The following ELF5 variants were observed in gnomAD, a reference collection of about 807,000 sequenced individuals.
ELF5 encodes E74 like ETS transcription factor 5.
A neutral mutation model predicts 38.2 loss-of-function variants in ELF5; 31 were observed. The observed-to-expected ratio is 0.81, with a 90% CI of 0.61 to 1.10. The LOEUF (loss-of-function observed/expected upper bound fraction) is 1.10, where lower values mean the gene tolerates loss of function less well. Ranked by LOEUF, ELF5 falls within the 50% of genes least tolerant of loss-of-function variation. The pLI, the probability that ELF5 is intolerant of heterozygous loss-of-function variation, is 0.00. For synonymous variants in ELF5, 121 were observed against 112.5 expected, an observed-to-expected ratio of 1.08 and a Z score of -0.48; for missense variants, 300 against 306.6, an observed-to-expected ratio of 0.98 and a Z score of 0.16.
At chr11:34,487,189 G>T (rs1355116329) in intron 4 of ELF5, among the ~76,000 whole-genome samples, 1 of 152,120 alleles carries the variant, frequency 6.6e-6, no homozygotes, top group African/African-American at 2.4e-5. Flanking sequence ...TGGTGTCCTG[G>T]CCAGGGCATT....
chr11:34,487,741 C>T (rs1465434417), intron 4 of ELF5, among the ~76,000 whole-genome samples: 1 of 152,098 alleles, frequency 6.6e-6, no homozygotes, highest in South Asian at 2.1e-4. Flanking sequence ...TCCACTATCA[C>T]AGAATTGAAC....
At chr11:34,489,491 G>A (rs1435102555) in intron 4 of ELF5, among the ~76,000 whole-genome samples, 1 of 152,136 alleles carries the variant, frequency 6.6e-6, no homozygotes, top group African/African-American at 2.4e-5. Flanking sequence ...TCCCTTTCCC[G>A]AGCCTTCTTC....
At position 34,493,545 on chromosome 11, in the gene ELF5, A is replaced by T. The variant is rs774629966; in HGVS notation, c.289T>A (p.Phe97Ile). 3 of 1,613,874 alleles carry T rather than the reference A, an allele frequency of 1.9e-6. No individual in the cohort carries two copies. Among genetic ancestry groups the T allele is most frequent in the East Asian group, 2.2e-5 (1 of 44,888 alleles). The stretch of plus-strand genomic sequence containing the variant: ...CCGCAGAGGCCAGCTGCCTCGACGA[A>T]CTCCTCCTGTGTCATGCTGCACAGC... ...LQLCSMTQEE[F>I]VEAAGLCGEY... The change falls in exon 3 of 7, where the codon TTC becomes ATC. Residue 97 changes from phenylalanine to isoleucine, a missense_variant. Physicochemically the swap from Phe to Ile is conservative, Grantham distance 21. Coordinates refer to ENST00000257832, the MANE Select transcript of ELF5 (RefSeq NM_001422.4).
At chr11:34,504,353 T>C (rs1268142323) in intron 2 of ELF5, among the ~76,000 whole-genome samples, 1 of 152,204 alleles carries the variant, frequency 6.6e-6, no homozygotes, top group Non-Finnish European at 1.5e-5. Flanking sequence ...CAAGTCCAAA[T>C]GCAATGATCT....
intron 2 of ELF5, among the ~76,000 whole-genome samples, chr11:34,494,937 A>AC (rs1309871150): frequency 2.0e-5 from 3 of 152,228 alleles, no homozygotes; most frequent in African/African-American, 7.2e-5. Flanking sequence ...TACAAACATT[A>AC]TTATTGAATA....
intron 5 of ELF5, among the ~76,000 whole-genome samples, chr11:34,481,965 C>T (rs371004041): frequency 2.0e-5 from 3 of 152,356 alleles, no homozygotes; most frequent in South Asian, 4.1e-4. Context: ...TGACACTGCT[C>T]TGGGCCGATC....
chr11:34,505,846 T>C lies in ELF5; in HGVS notation c.-4-93A>G, dbSNP rs188448643. 727 of 1,433,628 alleles carry C rather than the reference T, an allele frequency of 5.1e-4. 4 individuals carry two copies. The African/African-American group carries it at 6.9e-3, about 14-fold the overall frequency. 88.8% of individuals were successfully genotyped at this position (1,433,628 alleles called of 1,614,324 possible). On this transcript the variant is annotated intron_variant, in intron 1 of 6. Transcript: ENST00000257832. ...CCCCTAGCAGGGCGATACTTGTTTTTTAAAAATGATAACAAATATGTCACT... is the reference window on the plus strand; with the variant it reads ...CCCCTAGCAGGGCGATACTTGTTTTCTAAAAATGATAACAAATATGTCACT...
chr11:34,510,278 G>A (rs1232154438), intron 1 of ELF5, among the ~76,000 whole-genome samples: 1 of 149,812 alleles, frequency 6.7e-6, no homozygotes, highest in Non-Finnish European at 1.5e-5. Context: ...CTTGCTTTTG[G>A]AAAAAATATC....
Position 34,479,887 on chromosome 11 carries a change from G to T in ELF5, c.*331C>A. 1 of 227,758 alleles carries T rather than the reference G, an allele frequency of 4.4e-6. No homozygotes were observed. 14.1% of individuals were successfully genotyped at this position (227,758 alleles called of 1,614,324 possible). A position where few individuals can be genotyped will look rare whatever the true frequency, so the allele number is the denominator to read the frequency against. Reference sequence around the variant, plus strand: ...GGGAGCATTGGATGTGTCTCTAATGGCAGAATTGAATAGTTTTTCTCTGAT... The same window carrying T: ...GGGAGCATTGGATGTGTCTCTAATGTCAGAATTGAATAGTTTTTCTCTGAT... On this transcript the variant is annotated 3_prime_UTR_variant, in exon 7 of 7. Coordinates refer to ENST00000257832, the MANE Select transcript of ELF5 (RefSeq NM_001422.4).
intron 1 of ELF5, among the ~76,000 whole-genome samples, chr11:34,512,395 C>A (rs1027042208): frequency 6.6e-6 from 1 of 152,070 alleles, no homozygotes; most frequent in South Asian, 2.1e-4. Flanking sequence ...CTGTAGGCTT[C>A]GATGCAAAGC....
At chr11:34,481,820 A>G (rs1289258392) in intron 5 of ELF5, among the ~76,000 whole-genome samples, 1 of 152,210 alleles carries the variant, frequency 6.6e-6, no homozygotes, top group African/African-American at 2.4e-5. Context: ...TTCATCTATA[A>G]AATGGGATAA....
At chr11:34,495,740 C>T (rs1850300174) in intron 2 of ELF5, among the ~76,000 whole-genome samples, 1 of 152,220 alleles carries the variant, frequency 6.6e-6, no homozygotes, top group Non-Finnish European at 1.5e-5. Flanking sequence ...GCCGGTGAGA[C>T]CGATGACTCA....
intron 2 of ELF5, among the ~76,000 whole-genome samples, chr11:34,505,399 C>T (rs973962557): frequency 2.6e-5 from 4 of 152,198 alleles, no homozygotes; most frequent in African/African-American, 4.8e-5. Flanking sequence ...TTAGCTGAGC[C>T]GTGCACGGCC....
chr11:34,509,430 C>T (rs1850696969), intron 1 of ELF5, among the ~76,000 whole-genome samples: 1 of 152,180 alleles, frequency 6.6e-6, no homozygotes, highest in African/African-American at 2.4e-5. Context: ...TTTTCTGGGC[C>T]ATCACCCAAG....
intron 4 of ELF5, among the ~76,000 whole-genome samples, chr11:34,483,914 AACTGT>A (rs1041096089): frequency 3.3e-5 from 5 of 151,924 alleles, no homozygotes; most frequent in African/African-American, 9.7e-5. Context: ...ATACTATACT[AACTGT>A]ACTGTACTGT....
chr11:34,491,971 A>T (rs1443574282), intron 3 of ELF5: 3 of 152,134 alleles, frequency 2.0e-5, no homozygotes, highest in African/African-American at 7.2e-5. Flanking sequence ...GCTGCACAAG[A>T]GCATGGAGAC....
chr11:34,493,484 G>C lies in ELF5; in HGVS notation c.350C>G (p.Thr117Arg). ...YLYFILQNIR[T>R]QGYSFFNDAE... ...CTGGCCCTCTGAACACTGACCTTGT[G>C]TGCGGATGTTCTGGAGGATGAAGTA... The change falls in exon 3 of 7, where the codon ACA becomes AGA. Residue 117 changes from threonine to arginine, a missense_variant. Physicochemically the swap from Thr to Arg is moderately conservative, Grantham distance 71. Coordinates refer to ENST00000257832, the MANE Select transcript of ELF5 (RefSeq NM_001422.4). 1 of 1,613,416 alleles carries C rather than the reference G, an allele frequency of 6.2e-7. No homozygotes were observed. Among genetic ancestry groups the C allele is most frequent in the South Asian group, 1.1e-5 (1 of 90,922 alleles).
In ELF5 at chr11:34,493,565, C is replaced by T; in HGVS notation, c.269G>A (p.Cys90Tyr). ...CNFNISGLQL[C>Y]SMTQEEFVEA... ...GACGAACTCCTCCTGTGTCATGCTG[C>T]ACAGCTGCAGGCCACTGATGTTGAA... The change falls in exon 3 of 7, where the codon TGC becomes TAC. Residue 90 changes from cysteine to tyrosine, a missense_variant. By Grantham distance (194) the Cys-to-Tyr change is radical (BLOSUM62 -2). Transcript: ENST00000257832. 3 of 1,614,234 alleles carry T rather than the reference C, an allele frequency of 1.9e-6. No homozygotes were observed. Among genetic ancestry groups the T allele is most frequent in the East Asian group, 2.2e-5 (1 of 44,884 alleles).
At chr11:34,503,647 T>C (rs1250888762) in intron 2 of ELF5, among the ~76,000 whole-genome samples, 2 of 152,106 alleles carry the variant, frequency 1.3e-5, no homozygotes, top group Non-Finnish European at 2.9e-5. Context: ...ATACAAGGTC[T>C]CACTATGTTG....
Sources: allele counts gnomAD v4.1 joint callset (sites outside exome capture counted in the v4.1 genomes callset), GRCh38; gene constraint gnomAD v4.1.1; transcripts MANE v1.5; gene names NCBI Gene and HGNC (gene_info 2026-07-23, HGNC 2026-07-21).